The following LENG8 variants were observed in gnomAD, a reference collection of about 807,000 sequenced individuals.
LENG8 encodes the protein leukocyte receptor cluster (LRC) member 8.
LENG8 carries 28 observed loss-of-function variants against 102.1 expected under a neutral mutation model. That is an observed-to-expected ratio of 0.27 (90% CI 0.20 to 0.38). The LOEUF (loss-of-function observed/expected upper bound fraction) is 0.38. Ranked by LOEUF, LENG8 falls within the 10% of genes least tolerant of loss-of-function variation. LENG8 has a pLI of 1.00. For synonymous variants in LENG8, 531 were observed against 456.7 expected (o/e 1.16, Z -2.07); for missense variants, 1,022 against 1,113.9 (o/e 0.92, Z 1.17).
chr19:54,454,793 AGGCTGGGGGTG>A (rs2084137569), intron 6 of LENG8, 111 bp downstream of exon 6: 8 of 1,434,120 alleles, frequency 5.6e-6, no homozygotes, highest in Middle Eastern at 1.8e-4. Flanking sequence ...TGTGATCGCC[AGGCTGGGGGTG>A]GGGCTGCTCT....
exon 16 of LENG8, chr19:54,462,015 AGC>A: frequency 6.8e-7 from 1 of 1,462,244 alleles, no homozygotes; most frequent in South Asian, 1.3e-5. Context: ...AGAAAGAGAG[AGC>A]GTGCACGCTC....
intron 1 of LENG8, chr19:54,449,575 C>T (rs1234129516): frequency 6.6e-6 from 1 of 152,194 alleles, no homozygotes; most frequent in African/African-American, 2.4e-5. Context: ...GCCCCTCACT[C>T]GCCGTTGACC....
In LENG8 at chr19:54,459,639, C is replaced by T. The variant is rs1053005079; in HGVS notation, c.2240+1118C>T. On this transcript the variant is annotated intron_variant, in intron 15 of 15. Transcript: ENST00000326764. The stretch of plus-strand genomic sequence containing the variant: ...GCCTTGAGAGCCTGGCCAGGTGGCC[C>T]TCCGTGTGAGGTCATGGTCACAGCA... 3.7e-5 allele frequency: 37 copies of T among 996,184 alleles called. No individual in the cohort carries two copies. In the South Asian group the frequency reaches 1.3e-3, roughly 35 times the overall value. 61.7% of individuals were successfully genotyped at this position (996,184 alleles called of 1,614,324 possible). A position where few individuals can be genotyped will look rare whatever the true frequency, so the allele number is the denominator to read the frequency against.
rs1005423516 is a variant in LENG8 at position 54,461,516 on chromosome 19, C to T, written c.*588C>T. ...CCAGCACCACCAGCACCAGATCCTCCGCCGCCACACCGCACTGAGGACACG... is the reference window on the plus strand; with the variant it reads ...CCAGCACCACCAGCACCAGATCCTCTGCCGCCACACCGCACTGAGGACACG... On this transcript the variant is annotated 3_prime_UTR_variant, in exon 16 of 16. Coordinates refer to ENST00000326764, the MANE Select transcript of LENG8 (RefSeq NM_052925.4). 6.0e-5 allele frequency: 28 copies of T among 470,270 alleles called. No individual in the cohort carries two copies. The highest frequency in any genetic ancestry group is 3.2e-4 in the Middle Eastern group (1 of 3,098). The allele number at this position is 470,270 out of a possible 1,614,324, so 29.1% of individuals were successfully genotyped here.
Position 54,456,394 on chromosome 19 carries a change from G to A in LENG8, c.1374G>A (p.Pro458=), listed in dbSNP as rs762662027. 29 of 1,611,782 alleles carry A rather than the reference G, an allele frequency of 1.8e-5. No homozygotes were observed. The highest frequency in any genetic ancestry group is 6.6e-5 in the South Asian group (6 of 91,084). The change falls in exon 10 of 16, where the codon CCG becomes CCA. Residue 458 remains proline, a synonymous_variant. Transcript: ENST00000326764. ...NECHPVGRRN[P]PPKGRGGRGA... ...GTCACCCTGTGGGCCGCAGGAACCC[G>A]CCCCCTAAGGGCCGGGGCGGTCGAG...
chr19:54,453,704 T>C (rs1423196769), intron 5 of LENG8, 48 bp downstream of exon 5: 1 of 1,388,988 alleles, frequency 7.2e-7, no homozygotes, highest in East Asian at 2.3e-5. Flanking sequence ...AGAGGAAGTG[T>C]AGATTTTTGA....
Position 54,461,734 on chromosome 19 carries a change from G to GC in LENG8, c.*808dup. On this transcript the variant is annotated 3_prime_UTR_variant, in exon 16 of 16. Coordinates refer to ENST00000326764, the MANE Select transcript of LENG8 (RefSeq NM_052925.4). ...ATGGATCACCAGCTCACGTCATGTTGCCTTCTCTTTTCTTTGTGTGTGTGT... is the reference window on the plus strand; with the variant it reads ...ATGGATCACCAGCTCACGTCATGTTGCCCTTCTCTTTTCTTTGTGTGTGTGT... 1 of 514,164 alleles carries GC rather than the reference G, an allele frequency of 1.9e-6. No homozygotes were observed. The highest frequency in any genetic ancestry group is 3.9e-6 in the Non-Finnish European group (1 of 256,590). The allele number at this position is 514,164 out of a possible 1,614,324, so 31.9% of individuals were successfully genotyped here.
rs2083944734 is a variant in LENG8 at position 54,451,220 on chromosome 19, TTTC to T, written c.-55-66_-55-64del. On this transcript the variant is annotated intron_variant, in intron 1 of 15. Transcript: ENST00000326764. Reference sequence around the variant, plus strand: ...CCGGCTTCTCTTGAGTCCATCTACTTTTCTTCCCCACTTTGTGACGTGTTTTTA... The same window carrying T: ...CCGGCTTCTCTTGAGTCCATCTACTTTTCCCCACTTTGTGACGTGTTTTTA... 1.4e-5 allele frequency: 14 copies of T among 1,014,530 alleles called. No individual in the cohort carries two copies. In the East Asian group the frequency reaches 3.3e-4, roughly 24 times the overall value. The allele number at this position is 1,014,530 out of a possible 1,614,324, so 62.8% of individuals were successfully genotyped here.
At position 54,460,896 on chromosome 19, in the gene LENG8, C is replaced by A; in HGVS notation, c.2371C>A (p.Arg791Ser). The change falls in exon 16 of 16, where the codon CGC (arginine) becomes AGC (serine). Residue 791 changes from arginine (R) to serine (S), a missense_variant. Transcript: ENST00000326764. Reference protein sequence around the residue: ...TGPDNSSIDCRLSLAQLSAF With the variant: ...TGPDNSSIDCSLSLAQLSAF ...CCCGGACAACTCCAGCATCGACTGC[C>A]GCCTCAGCCTGGCGCAGCTGTCAGC... 6.4e-7 allele frequency: 1 copy of A among 1,553,716 alleles called. No individual in the cohort carries two copies. The highest frequency in any genetic ancestry group is 8.7e-7 in the Non-Finnish European group (1 of 1,150,720).
At chr19:54,454,729 A>C (rs779685604) in intron 6 of LENG8, 47 bp downstream of exon 6, 2 of 1,531,058 alleles carry the variant, frequency 1.3e-6, no homozygotes, top group Non-Finnish European at 1.8e-6. Flanking sequence ...GGGCCCTCAT[A>C]AGAGCTCCTG....
At chr19:54,452,780 A>G (rs2084021916) in intron 4 of LENG8, 28 bp downstream of exon 4, 10 of 1,547,142 alleles carry the variant, frequency 6.5e-6, no homozygotes, top group East Asian at 4.5e-5. Context: ...GGGGCGGGGC[A>G]GGGCGAGGTG....
At chr19:54,452,376 A>G in intron 3 of LENG8, 109 bp downstream of exon 3, 3 of 976,386 alleles carry the variant, frequency 3.1e-6, no homozygotes, top group Non-Finnish European at 4.5e-6. Context: ...GGGAAACATG[A>G]AAAGACGTTC....
chr19:54,456,733 C>G lies in LENG8; in HGVS notation c.1543C>G (p.Arg515Gly), dbSNP rs746635625. ...GCTGAAGAAGCAGAAGCGGGCAGCC[C>G]GCTTCCAGCACGGACACTCCCGCCG... Reference protein sequence around the residue: ...RELKKQKRAARFQHGHSRRLR... With the variant: ...RELKKQKRAAGFQHGHSRRLR... Residue 515 changes from arginine (R) to glycine (G), a missense_variant, in exon 11 of 16, where the codon CGC becomes GGC. Coordinates refer to ENST00000326764, the MANE Select transcript of LENG8 (RefSeq NM_052925.4). 3.1e-6 allele frequency: 5 copies of G among 1,612,514 alleles called. No individual in the cohort carries two copies. The highest frequency in any genetic ancestry group is 3.4e-6 in the Non-Finnish European group (4 of 1,179,558).
intron 3 of LENG8, 101 bp downstream of exon 3, chr19:54,452,368 G>A (rs1016372358): frequency 3.6e-5 from 40 of 1,115,630 alleles, no homozygotes; most frequent in Non-Finnish European, 5.1e-6. Flanking sequence ...GCTCTGAGGG[G>A]AAACATGAAA....
At position 54,456,556 on chromosome 19, in the gene LENG8, G is replaced by A. The variant is rs75419047; in HGVS notation, c.1446-80G>A. The A allele has an allele frequency of 1.4e-3, 2,197 of 1,538,086 alleles. 24 individuals are homozygous for A. The African/African-American group carries it at 0.026, about 18-fold the overall frequency. On this transcript the variant is annotated intron_variant, in intron 10 of 15. Coordinates refer to ENST00000326764, the MANE Select transcript of LENG8 (RefSeq NM_052925.4). ...AAGGAGGAGGAGGGCCGGACAGGTG[G>A]ACAGCCAGCTGCCAAAGGGGCGAGG...
intron 3 of LENG8, 76 bp from the exon 4 acceptor site, chr19:54,452,575 A>T: frequency 2.5e-6 from 3 of 1,221,770 alleles, no homozygotes; most frequent in Non-Finnish European, 3.6e-6. Flanking sequence ...GGCCACCAGT[A>T]AACAGGCTTG....
intron 15 of LENG8, chr19:54,459,120 G>A (rs1440004411): frequency 3.0e-6 from 4 of 1,353,374 alleles, no homozygotes; most frequent in East Asian, 2.7e-5. Context: ...CTTGACTCAT[G>A]TTTAGACGCA....
chr19:54,455,957 G>A lies in LENG8; in HGVS notation c.1026-10G>A, dbSNP rs1439544616. 1.2e-6 allele frequency: 2 copies of A among 1,609,756 alleles called. No individual in the cohort carries two copies. The highest frequency in any genetic ancestry group is 1.7e-6 in the Non-Finnish European group (2 of 1,178,476). On this transcript the variant is annotated splice_polypyrimidine_tract_variant and intron_variant, in intron 8 of 15. Transcript: ENST00000326764. The stretch of plus-strand genomic sequence containing the variant: ...GGGGTTGGTGACGCCCTGCCCTGCT[G>A]TATTCTCAGGCTGACCCGGGAGCCT...
In LENG8 at chr19:54,456,423, C is replaced by A; in HGVS notation, c.1403C>A (p.Ala468Asp). The A allele has an allele frequency of 1.2e-6, 2 of 1,609,716 alleles. No homozygotes were observed. The highest frequency in any genetic ancestry group is 1.1e-5 in the South Asian group (1 of 91,064). Residue 468 changes from alanine to aspartate, a missense_variant, in exon 10 of 16, where the codon GCC (alanine) becomes GAC (aspartate). Transcript: ENST00000326764. ...CCTAAGGGCCGGGGCGGTCGAGGGG[C>A]CCATATGGATCGGGGCCGAGGCAGG... ...PPPKGRGGRG[A>D]HMDRGRGRAQ...
Sources: allele counts gnomAD v4.1 joint callset, GRCh38; gene constraint gnomAD v4.1.1; transcripts MANE v1.5; gene names NCBI Gene and HGNC (gene_info 2026-07-23, HGNC 2026-07-21).